The following KANK1 variants were observed in gnomAD, a reference collection of about 807,000 sequenced individuals.
The protein encoded by KANK1 is KN motif and ankyrin repeat domain-containing protein 1.
KANK1 carries 109 observed loss-of-function variants against 106.2 expected under a neutral mutation model. That is an observed-to-expected ratio of 1.03 (90% confidence interval 0.88 to 1.20). The LOEUF (loss-of-function observed/expected upper bound fraction) is 1.20, where lower values mean the gene tolerates loss of function less well. Ranked by LOEUF, KANK1 falls within the 50% of genes most tolerant of loss-of-function variation. KANK1 has a pLI of 0.00. For missense variants in KANK1, 2,399 were observed against 1,710.7 expected, an observed-to-expected ratio of 1.40 and a Z score of -7.10; for synonymous variants, 873 against 652.2, an observed-to-expected ratio of 1.34 and a Z score of -5.16.
intron 1 of KANK1, among the ~76,000 whole-genome samples, chr9:598,159 A>G (rs901797269): frequency 6.6e-6 from 1 of 151,708 alleles, no homozygotes; most frequent in East Asian, 1.9e-4. Context: ...TACCCTTGTT[A>G]AAAATCTATT....
At chr9:484,391 G>C (rs2058256716) in intron 3 of KANK1, 1 of 152,218 alleles carries the variant, frequency 6.6e-6, no homozygotes, top group African/African-American at 2.4e-5. Flanking sequence ...AACAAGAGAT[G>C]TAGAGTGCTC....
chr9:542,510 C>A (rs1221520213), intron 1 of KANK1, among the ~76,000 whole-genome samples: 1 of 152,148 alleles, frequency 6.6e-6, no homozygotes, highest in Non-Finnish European at 1.5e-5. Context: ...GGAAGTTCTG[C>A]AGAAAATAAA....
intron 1 of KANK1, among the ~76,000 whole-genome samples, chr9:533,378 G>C (rs760336390): frequency 1.3e-5 from 2 of 152,166 alleles, no homozygotes; most frequent in African/African-American, 2.4e-5. Context: ...TCCATCTGAA[G>C]AATGGACATA....
chr9:583,724 C>A (rs1822750529), intron 1 of KANK1, among the ~76,000 whole-genome samples: 1 of 150,312 alleles, frequency 6.7e-6, no homozygotes. Flanking sequence ...TATATATTAA[C>A]ATATACTTCC....
chr9:494,022 A>G (rs2058420258), intron 3 of KANK1, among the ~76,000 whole-genome samples: 1 of 151,988 alleles, frequency 6.6e-6, no homozygotes, highest in East Asian at 1.9e-4. Context: ...AGCTGGGATT[A>G]CAGGTGCACA....
At position 740,746 on chromosome 9, in the gene KANK1, A is replaced by G. The variant is rs1251272909; in HGVS notation, c.3554-46A>G. ...AGTGGCTTCGTAAGCGGCTGCTATT[A>G]GAAGGGGCTGCTTCCTAAGAGACTT... On this transcript the variant is annotated intron_variant, in intron 8 of 11. Transcript: ENST00000382297. The G allele has an allele frequency of 3.2e-6, 5 of 1,586,568 alleles. No homozygotes were observed. In the African/African-American group the frequency reaches 4.1e-5, roughly 13 times the overall value.
intron 1 of KANK1, among the ~76,000 whole-genome samples, chr9:665,275 T>G (rs138459773): frequency 2.6e-5 from 4 of 152,308 alleles, no homozygotes; most frequent in African/African-American, 9.6e-5. Flanking sequence ...CCCAATGTTT[T>G]CTTTTATTAG....
intron 1 of KANK1, among the ~76,000 whole-genome samples, chr9:592,219 G>A (rs894393402): frequency 1.3e-5 from 2 of 151,788 alleles, no homozygotes; most frequent in African/African-American, 4.9e-5. Context: ...TGAGAGCAAA[G>A]GTTAGATAAT....
intron 2 of KANK1, among the ~76,000 whole-genome samples, chr9:704,100 C>T (rs1481465824): frequency 6.6e-6 from 1 of 152,222 alleles, no homozygotes; most frequent in African/African-American, 2.4e-5. Context: ...AATTTAGCGT[C>T]TTTCTCCTTT....
intron 1 of KANK1, among the ~76,000 whole-genome samples, chr9:643,603 T>C (rs1395923111): frequency 6.8e-6 from 1 of 146,928 alleles, no homozygotes; most frequent in African/African-American, 2.7e-5. Flanking sequence ...CAAGCTGGTC[T>C]CGAACTCCTG....
At chr9:621,424 G>A (rs995282447) in intron 1 of KANK1, among the ~76,000 whole-genome samples, 1 of 152,086 alleles carries the variant, frequency 6.6e-6, no homozygotes, top group African/African-American at 2.4e-5. Context: ...AAATTCTCAT[G>A]TCATCATTAC....
chr9:525,203 C>T (rs2059732878), intron 1 of KANK1, among the ~76,000 whole-genome samples: 1 of 151,420 alleles, frequency 6.6e-6, no homozygotes, highest in Non-Finnish European at 1.5e-5. Context: ...CCATGTTGGC[C>T]AGGCTGGTCT....
intron 3 of KANK1, among the ~76,000 whole-genome samples, chr9:478,943 A>G (rs1320950419): frequency 1.5e-5 from 2 of 137,452 alleles, no homozygotes; most frequent in African/African-American, 2.8e-5. Flanking sequence ...TTTTTTTGAG[A>G]GTTTCGCTTT....
intron 1 of KANK1, among the ~76,000 whole-genome samples, chr9:583,900 A>G (rs2135377549): frequency 6.6e-6 from 1 of 152,198 alleles, no homozygotes; most frequent in South Asian, 2.1e-4. Flanking sequence ...TTTAAAAATT[A>G]AATCTATACA....
At chr9:657,413 G>C (rs1842387898) in intron 1 of KANK1, among the ~76,000 whole-genome samples, 1 of 152,054 alleles carries the variant, frequency 6.6e-6, no homozygotes, top group Non-Finnish European at 1.5e-5. Context: ...TGAATCTCAT[G>C]GTAGTTCTAT....
chr9:485,658 A>G (rs2058279372), intron 3 of KANK1, among the ~76,000 whole-genome samples: 2 of 152,176 alleles, frequency 1.3e-5, no homozygotes, highest in Non-Finnish European at 2.9e-5. Flanking sequence ...AGATCACTTC[A>G]GGTCAGGAGT....
At chr9:552,083 G>A (rs2061319409) in intron 1 of KANK1, among the ~76,000 whole-genome samples, 1 of 152,062 alleles carries the variant, frequency 6.6e-6, no homozygotes, top group African/African-American at 2.4e-5. Flanking sequence ...GCATGTAACA[G>A]TAGGATCTAA....
chr9:614,122 G>C (rs1376038192), intron 1 of KANK1, among the ~76,000 whole-genome samples: 1 of 152,190 alleles, frequency 6.6e-6, no homozygotes, highest in Admixed American at 6.5e-5. Flanking sequence ...CCAGCCACTT[G>C]TCCTTGCTTC....
chr9:730,564 A>T (rs111248453), intron 4 of KANK1: 2 of 351,058 alleles, frequency 5.7e-6, no homozygotes, highest in Non-Finnish European at 1.1e-5. Context: ...ATGGTGGTGC[A>T]CACCTGTAGT....
Sources: allele counts gnomAD v4.1 joint callset (sites outside exome capture counted in the v4.1 genomes callset), GRCh38; gene constraint gnomAD v4.1.1; transcripts MANE v1.5; gene names NCBI Gene and HGNC (gene_info 2026-07-23, HGNC 2026-07-21).